PI4K2B: variants seen among roughly 807,000 people sequenced by gnomAD.
PI4K2B encodes phosphatidylinositol 4-kinase type 2 beta.
PI4K2B carries 46 observed loss-of-function variants against 56.6 expected under a neutral mutation model. That is an observed-to-expected ratio of 0.81 (90% CI 0.64 to 1.04). The LOEUF (loss-of-function observed/expected upper bound fraction) is 1.04. PI4K2B is among the 50% of genes least tolerant of loss of function. PI4K2B has a pLI of 0.00. For missense variants in PI4K2B, 556 were observed against 607.7 expected (o/e 0.91, Z 0.89); for synonymous variants, 211 against 223.8 (o/e 0.94, Z 0.51).
At chr4:25,265,296 G>A (rs638001) in intron 7 of PI4K2B, among the ~76,000 whole-genome samples, 3 of 149,936 alleles carry the variant, frequency 2.0e-5, no homozygotes, top group Non-Finnish European at 4.4e-5. Context: ...GCTTGCCAAA[G>A]ATTTGTCTAT....
chr4:25,243,114 C>T (rs560224835), intron 1 of PI4K2B, among the ~76,000 whole-genome samples: 11 of 152,234 alleles, frequency 7.2e-5, no homozygotes, highest in Admixed American at 3.3e-4. Context: ...CTGAGAAGGC[C>T]GCGCCCGTGT....
chr4:25,250,935 T>C (rs2109095275), intron 1 of PI4K2B, among the ~76,000 whole-genome samples: 1 of 152,258 alleles, frequency 6.6e-6, no homozygotes, highest in Middle Eastern at 3.4e-3. Context: ...TTATAAGGTT[T>C]TTGGCCTAAG....
At chr4:25,241,157 C>T (rs1715504566) in intron 1 of PI4K2B, among the ~76,000 whole-genome samples, 1 of 152,228 alleles carries the variant, frequency 6.6e-6, no homozygotes, top group African/African-American at 2.4e-5. Flanking sequence ...GCAGCATGGG[C>T]ATGTAGGATT....
At position 25,260,578 on chromosome 4, in the gene PI4K2B, A is replaced by T. The variant is rs756281476; in HGVS notation, c.965A>T (p.Glu322Val). Reference sequence around the variant, plus strand: ...TACGAAAAGCAGAAATGTGAAAAGGAAATTGACCATAAGGTAAGGAAATTT... The same window carrying T: ...TACGAAAAGCAGAAATGTGAAAAGGTAATTGACCATAAGGTAAGGAAATTT... Reference protein sequence around the residue: ...VRYEKQKCEKEIDHKESKWID... With the variant: ...VRYEKQKCEKVIDHKESKWID... Residue 322 changes from glutamate to valine, a missense_variant, in exon 6 of 10, where the codon GAA (glutamate) becomes GTA (valine). By Grantham distance (121) the Glu-to-Val change is moderately radical (BLOSUM62 -2). Transcript: ENST00000264864. 7.6e-7 allele frequency: 1 copy of T among 1,316,262 alleles called. No individual in the cohort carries two copies. The highest frequency in any genetic ancestry group is 2.7e-5 in the Admixed American group (1 of 37,662). 81.5% of individuals were successfully genotyped at this position (1,316,262 alleles called of 1,614,324 possible). A position where few individuals can be genotyped will look rare whatever the true frequency, so the allele number is the denominator to read the frequency against.
Position 25,244,398 on chromosome 4 carries a change from G to A in PI4K2B, c.269-7923G>A, listed in dbSNP as rs1390540831. 2.6e-5 allele frequency among the ~76,000 whole-genome samples: 4 copies of A among 152,116 alleles called. No homozygotes were observed. The East Asian group carries it at 5.8e-4, about 22-fold the overall frequency. On this transcript the variant is annotated intron_variant, in intron 1 of 9. Coordinates refer to ENST00000264864, the MANE Select transcript of PI4K2B (RefSeq NM_018323.4). ...TGTAAGTTGTAAGCTTTGCATAGTTGTGTATTCTCCCTCAATGAAAAGAAA... is the reference window on the plus strand; with the variant it reads ...TGTAAGTTGTAAGCTTTGCATAGTTATGTATTCTCCCTCAATGAAAAGAAA...
chr4:25,265,544 GTGGTACTC>G (rs1295499632), intron 7 of PI4K2B, among the ~76,000 whole-genome samples: 1 of 152,112 alleles, frequency 6.6e-6, no homozygotes, highest in African/African-American at 2.4e-5. Flanking sequence ...GGTTGCACAG[GTGGTACTC>G]TATGGCTCTG....
intron 1 of PI4K2B, among the ~76,000 whole-genome samples, chr4:25,245,725 TG>T (rs1201657716): frequency 1.3e-5 from 2 of 152,198 alleles, no homozygotes; most frequent in African/African-American, 4.8e-5. Flanking sequence ...AGGGGTCCGA[TG>T]GCACTCACTG....
intron 1 of PI4K2B, among the ~76,000 whole-genome samples, chr4:25,248,543 T>C (rs7661189): frequency 0.41 from 62,547 of 151,412 alleles, 15,480 homozygotes; most frequent in Non-Finnish European, 0.55. Context: ...TGTGGACTTA[T>C]TGTGAGATGG....
In PI4K2B at chr4:25,239,921, C is replaced by A. The variant is rs191505716; in HGVS notation, c.268+5490C>A. On this transcript the variant is annotated intron_variant, in intron 1 of 9. Transcript: ENST00000264864. Reference sequence around the variant, plus strand: ...AGTTTTAGTGTCCTCCAGAGGGGAGCTCTCTAGGCCAGTAAAAGTGCCAGC... The same window carrying A: ...AGTTTTAGTGTCCTCCAGAGGGGAGATCTCTAGGCCAGTAAAAGTGCCAGC... Among the ~76,000 whole-genome samples the A allele has an allele frequency of 8.5e-5, 13 of 152,352 alleles. No individual in the cohort carries two copies. The East Asian group carries it at 2.3e-3, about 27-fold the overall frequency.
In PI4K2B at chr4:25,263,783, A is replaced by G; in HGVS notation, c.1012A>G (p.Ile338Val). ...ATGGATTGATGATGAAGAATTCCTT[A>G]TTAAAATAGCTGCAATTGATAATGG... ...SKWIDDEEFL[I>V]KIAAIDNGLA... is the part of the protein sequence containing the mutation. The change falls in exon 7 of 10, where the codon ATT (isoleucine) becomes GTT (valine). Residue 338 changes from isoleucine to valine, a missense_variant. Ile to Val is a conservative substitution (Grantham distance 29, BLOSUM62 3). Coordinates refer to ENST00000264864, the MANE Select transcript of PI4K2B (RefSeq NM_018323.4). The G allele has an allele frequency of 2.0e-6, 3 of 1,515,456 alleles. No homozygotes were observed. Among genetic ancestry groups the G allele is most frequent in the Non-Finnish European group, 2.7e-6 (3 of 1,091,556 alleles). 93.9% of individuals were successfully genotyped at this position (1,515,456 alleles called of 1,614,324 possible).
chr4:25,273,583 A>C (rs1298484644), intron 9 of PI4K2B, among the ~76,000 whole-genome samples: 1 of 152,120 alleles, frequency 6.6e-6, no homozygotes, highest in Non-Finnish European at 1.5e-5. Flanking sequence ...GGCTTTAATA[A>C]CATGTATCTG....
At chr4:25,252,503 T>A in intron 2 of PI4K2B, 28 bp downstream of exon 2, 1 of 1,410,410 alleles carries the variant, frequency 7.1e-7, no homozygotes, top group Non-Finnish European at 9.9e-7. Context: ...CTATTATATG[T>A]AATGGAAACT....
At chr4:25,246,453 A>G (rs1387270192) in intron 1 of PI4K2B, among the ~76,000 whole-genome samples, 4 of 152,316 alleles carry the variant, frequency 2.6e-5, no homozygotes, top group East Asian at 1.9e-4. Flanking sequence ...TGGTGCATTT[A>G]CAAACCTTGA....
intron 9 of PI4K2B, 61 bp from the exon 10 acceptor site, chr4:25,276,953 T>G: frequency 6.8e-7 from 1 of 1,468,436 alleles, no homozygotes; most frequent in Non-Finnish European, 9.1e-7. Context: ...GTTTAAAAAA[T>G]GTCAGTGAAG....
rs547855586 is a variant in PI4K2B, at chr4:25,246,987, C to T, written c.269-5334C>T. Among the ~76,000 whole-genome samples, 152 of 152,372 alleles carry T rather than the reference C, an allele frequency of 1.0e-3. 2 individuals are homozygous for T. Among genetic ancestry groups the T allele is most frequent in the Admixed American group, 9.7e-3 (148 of 15,314 alleles). On this transcript the variant is annotated intron_variant, in intron 1 of 9. Transcript: ENST00000264864. Reference sequence around the variant, plus strand: ...GCCGCATGCAGCTCCAGTTCCCACCCGCACCTGTCCCTCCACACCTCCCCA... The same window carrying T: ...GCCGCATGCAGCTCCAGTTCCCACCTGCACCTGTCCCTCCACACCTCCCCA...
At chr4:25,257,937 T>C (rs1716314057) in intron 4 of PI4K2B, among the ~76,000 whole-genome samples, 1 of 152,178 alleles carries the variant, frequency 6.6e-6, no homozygotes. Flanking sequence ...AGTGTTAGAA[T>C]AAAAAGCAGA....
intron 5 of PI4K2B, among the ~76,000 whole-genome samples, chr4:25,259,780 C>A (rs902612373): frequency 2.0e-5 from 3 of 152,120 alleles, no homozygotes; most frequent in Non-Finnish European, 4.4e-5. Context: ...CATTCAAAGC[C>A]ATCCTGGGCA....
intron 1 of PI4K2B, among the ~76,000 whole-genome samples, chr4:25,241,106 G>A (rs182340750): frequency 3.3e-5 from 5 of 152,328 alleles, no homozygotes; most frequent in African/African-American, 9.6e-5. Flanking sequence ...TATTTAGTGG[G>A]GGTTCCCCCG....
intron 9 of PI4K2B, among the ~76,000 whole-genome samples, chr4:25,269,799 C>T (rs925022643): frequency 2.6e-5 from 4 of 151,280 alleles, no homozygotes; most frequent in Non-Finnish European, 5.9e-5. Flanking sequence ...CTGCAAGCTC[C>T]GCCTCCCAGG....
Sources: allele counts gnomAD v4.1 joint callset (sites outside exome capture counted in the v4.1 genomes callset), GRCh38; gene constraint gnomAD v4.1.1; transcripts MANE v1.5; gene names NCBI Gene and HGNC (gene_info 2026-07-23, HGNC 2026-07-21).